Variants in MEF2B observed in about 807,000 individuals in gnomAD.
MEF2B encodes the protein myocyte-specific enhancer factor 2B.
In MEF2B, 15 loss-of-function variants were observed where a neutral mutation model predicts 32.2. That is an observed-to-expected ratio of 0.47 (90% CI 0.31 to 0.72). The LOEUF is 0.72. MEF2B is among the 30% of genes least tolerant of loss of function. The probability of loss-of-function intolerance (pLI) is 0.05; values close to 1 mark genes in which losing one functional copy is unlikely to be tolerated. For missense variants in MEF2B, 441 were observed against 511.5 expected, an observed-to-expected ratio of 0.86 and a Z score of 1.33; for synonymous variants, 205 against 225.6, an observed-to-expected ratio of 0.91 and a Z score of 0.82.
chr19:19,164,154 A>T (rs561721661), intron 1 of MEF2B, among the ~76,000 whole-genome samples: 2 of 152,138 alleles, frequency 1.3e-5, no homozygotes, highest in Non-Finnish European at 2.9e-5. Flanking sequence ...TTTAGTAGAG[A>T]CAGGGTTTCT....
At chr19:19,148,713 T>G (rs2060048023) in intron 3 of MEF2B, among the ~76,000 whole-genome samples, 1 of 151,310 alleles carries the variant, frequency 6.6e-6, no homozygotes, top group East Asian at 2.0e-4. Flanking sequence ...ATTTATTTAT[T>G]TATTTATTTA....
At chr19:19,155,839 A>T (rs576294149) in intron 1 of MEF2B, among the ~76,000 whole-genome samples, 1 of 152,274 alleles carries the variant, frequency 6.6e-6, no homozygotes, top group South Asian at 2.1e-4. Flanking sequence ...CGAGGGGGGA[A>T]GCTGAGGTTT....
intron 1 of MEF2B, among the ~76,000 whole-genome samples, chr19:19,162,917 T>C (rs1443655615): frequency 6.6e-6 from 1 of 151,300 alleles, no homozygotes; most frequent in Non-Finnish European, 1.5e-5. Context: ...CCCACCCACC[T>C]CTCCCCTCAC....
chr19:19,147,608 C>T, intron 4 of MEF2B, 90 bp downstream of exon 4: 3 of 1,557,510 alleles, frequency 1.9e-6, no homozygotes, highest in African/African-American at 1.4e-5. Context: ...GGATCCCTGG[C>T]TCTAAGCCCC....
chr19:19,158,941 T>A (rs537331410), intron 1 of MEF2B, among the ~76,000 whole-genome samples: 250 of 150,644 alleles, frequency 1.7e-3, no homozygotes, highest in African/African-American at 5.7e-3. Context: ...ACTCGAAAGT[T>A]TTTTTTTCTT....
At chr19:19,159,967 C>CTT (rs940709586) in intron 1 of MEF2B, among the ~76,000 whole-genome samples, 10 of 132,236 alleles carry the variant, frequency 7.6e-5, no homozygotes, top group African/African-American at 8.4e-5. Context: ...GTCTACTGAA[C>CTT]TTTTTTTTTT....
At position 19,170,238 on chromosome 19, in the gene MEF2B, C is replaced by A. The variant is rs2060243260; in HGVS notation, c.-63G>T. 5 of 398,392 alleles carry A rather than the reference C, an allele frequency of 1.3e-5. No individual in the cohort carries two copies. Among genetic ancestry groups the A allele is most frequent in the East Asian group, 3.6e-5 (1 of 28,090 alleles). 24.7% of individuals were successfully genotyped at this position (398,392 alleles called of 1,614,324 possible). A position where few individuals can be genotyped will look rare whatever the true frequency, so the allele number is the denominator to read the frequency against. ...CCTGGGCCCTGGGACGCTGGGCGCA[C>A]GGACCCGCGGCGGCTGCACGAAGAT... On this transcript the variant is annotated 5_prime_UTR_variant, in exon 1 of 9. Coordinates refer to ENST00000424583, the MANE Select transcript of MEF2B (RefSeq NM_001145785.2).
At chr19:19,147,013 C>T (rs749688047) in intron 5 of MEF2B, 23 bp downstream of exon 5, 3 of 1,578,986 alleles carry the variant, frequency 1.9e-6, no homozygotes, top group Non-Finnish European at 1.7e-6. Flanking sequence ...GACCTCACCC[C>T]TGCCCCACTG....
In MEF2B at chr19:19,147,083, C is replaced by T. The variant is rs780714576; in HGVS notation, c.494G>A (p.Ser165Asn). 4.3e-6 allele frequency: 7 copies of T among 1,609,786 alleles called. No individual in the cohort carries two copies. The South Asian group carries it at 5.5e-5, about 13-fold the overall frequency. The change falls in exon 5 of 9, where the codon AGC (serine) becomes AAC (asparagine). Residue 165 changes from serine (S) to asparagine (N), a missense_variant. Physicochemically the swap from Ser to Asn is conservative, Grantham distance 46. Transcript: ENST00000424583. ...TGCTGGTCGGAAGGGAGATGGGCGGCTCTGGGCGGGCAGTGCTTCCCCAAG... is the reference window on the plus strand; with the variant it reads ...TGCTGGTCGGAAGGGAGATGGGCGGTTCTGGGCGGGCAGTGCTTCCCCAAG... ...SGLGEALPAQ[S>N]RPSPFRPAAP...
rs140321393 is a variant in MEF2B, at chr19:19,147,128, G to A, written c.449C>T (p.Pro150Leu). ...PDVVYGALPP[P>L]GCDPSGLGEA... ...CCCAAGCCCACTGGGGTCACAGCCT[G>A]GTGGCGGTAAGGCCCCGTATACCAC... The change falls in exon 5 of 9, where the codon CCA (proline) becomes CTA (leucine). Residue 150 changes from proline (P) to leucine (L), a missense_variant. Physicochemically the swap from Pro to Leu is moderately conservative, Grantham distance 98. Coordinates refer to ENST00000424583, the MANE Select transcript of MEF2B (RefSeq NM_001145785.2). The A allele has an allele frequency of 1.9e-6, 3 of 1,603,564 alleles. No homozygotes were observed. Among genetic ancestry groups the A allele is most frequent in the Non-Finnish European group, 2.6e-6 (3 of 1,175,978 alleles).
intron 1 of MEF2B, among the ~76,000 whole-genome samples, chr19:19,159,910 G>T (rs540856688): frequency 3.3e-5 from 5 of 151,826 alleles, no homozygotes; most frequent in Non-Finnish European, 5.9e-5. Context: ...GTTAATTGGG[G>T]GTGAGAATCC....
chr19:19,146,095 T>C, intron 8 of MEF2B, 73 bp from the exon 9 acceptor site: 1 of 1,284,022 alleles, frequency 7.8e-7, no homozygotes. Context: ...TGGCACAGCG[T>C]GGGCAAAGGC....
At chr19:19,146,251 G>T in intron 8 of MEF2B, 22 bp downstream of exon 8, 1 of 1,093,476 alleles carries the variant, frequency 9.1e-7, no homozygotes. Flanking sequence ...ACTGGGACTT[G>T]CCGTCGTCTC....
chr19:19,150,557 G>A, intron 2 of MEF2B, 125 bp downstream of exon 2: 1 of 1,084,488 alleles, frequency 9.2e-7, no homozygotes, highest in African/African-American at 1.6e-5. Context: ...AGGCTGACAT[G>A]GCATCAGGAC....
rs12610124 is a variant in MEF2B at position 19,161,637 on chromosome 19, G to A, written c.-30+8568C>T. Among the ~76,000 whole-genome samples, 1,288 of 151,614 alleles carry A rather than the reference G, an allele frequency of 8.5e-3. 93 individuals are homozygous for A. The East Asian group carries it at 0.18, about 22-fold the overall frequency. ...ATCTCCCTAAACACATGGCCGTCCCGCAAATACACACAGACCCCTTTCCCC... is the reference window on the plus strand; with the variant it reads ...ATCTCCCTAAACACATGGCCGTCCCACAAATACACACAGACCCCTTTCCCC... On this transcript the variant is annotated intron_variant, in intron 1 of 8. Transcript: ENST00000424583.
chr19:19,147,643 T>C, intron 4 of MEF2B, 55 bp downstream of exon 4: 2 of 1,592,454 alleles, frequency 1.3e-6, no homozygotes, highest in Non-Finnish European at 1.7e-6. Context: ...CCTCAACGAC[T>C]TGGGCCTAGG....
chr19:19,156,242 G>A (rs912977878), intron 1 of MEF2B, among the ~76,000 whole-genome samples: 1 of 152,108 alleles, frequency 6.6e-6, no homozygotes, highest in South Asian at 2.1e-4. Flanking sequence ...TTAGAAAGGT[G>A]ACTCAGGACC....
intron 1 of MEF2B, among the ~76,000 whole-genome samples, chr19:19,167,951 C>A (rs1006567790): frequency 2.6e-5 from 4 of 152,188 alleles, no homozygotes; most frequent in African/African-American, 4.8e-5. Context: ...TTCCTGCTCT[C>A]TAAGATGACA....
chr19:19,154,031 G>A (rs7251648), intron 1 of MEF2B, among the ~76,000 whole-genome samples: 56,125 of 151,906 alleles, frequency 0.37, 10,404 homozygotes, highest in Admixed American at 0.42. Flanking sequence ...GGGATTCCAG[G>A]TGTGAGCCAC....
Sources: gnomAD v4.1 joint callset for allele counts (sites outside exome capture counted in the v4.1 genomes callset) on GRCh38, gnomAD v4.1.1 for gene constraint, MANE v1.5 for transcripts, NCBI Gene and HGNC (gene_info 2026-07-23, HGNC 2026-07-21) for gene names.